Variants in PHF21B observed in about 807,000 individuals in gnomAD.
PHF21B encodes PHD finger protein 21B.
In PHF21B, 22 loss-of-function variants were observed where a neutral mutation model predicts 62.2. The observed-to-expected ratio is 0.35, with a 90% confidence interval of 0.25 to 0.51. PHF21B has a LOEUF of 0.51. Among genes scored for constraint, PHF21B ranks in the 20% least tolerant of loss-of-function variants. The pLI, the probability that PHF21B is intolerant of heterozygous loss-of-function variation, is 0.97. For missense variants in PHF21B, 701 were observed against 707.9 expected (o/e 0.99, Z 0.11); for synonymous variants, 341 against 314.7 (o/e 1.08, Z -0.88).
chr22:44,915,946 CAT>C (rs552131676), intron 4 of PHF21B, among the ~76,000 whole-genome samples: 66 of 152,356 alleles, frequency 4.3e-4, no homozygotes, highest in East Asian at 1.7e-3. Flanking sequence ...TTCAGCCACA[CAT>C]GTCATTAATT....
In PHF21B at chr22:44,966,333, C is replaced by T. The variant is rs541961222; in HGVS notation, c.120+42212G>A. ...TTTTTGAGAGAAGTCTGAACCTTGT[C>T]GGGTGCAGGCACTTGCCCAAGGTCA... On this transcript the variant is annotated intron_variant, in intron 2 of 12. Transcript: ENST00000313237. Among the ~76,000 whole-genome samples the T allele has an allele frequency of 3.3e-5, 5 of 152,334 alleles. No individual in the cohort carries two copies. The East Asian group carries it at 5.8e-4, about 18-fold the overall frequency.
rs544243678 is a variant in PHF21B at position 45,007,101 on chromosome 22, G to A, written c.120+1444C>T. Among the ~76,000 whole-genome samples the A allele has an allele frequency of 1.7e-3, 255 of 151,554 alleles. 2 individuals are homozygous for A. The highest frequency in any genetic ancestry group is 5.9e-3 in the African/African-American group (246 of 41,350). On this transcript the variant is annotated intron_variant, in intron 2 of 12. Transcript: ENST00000313237. ...TCCCGGACGGGGGCGCGCGGCCGGG[G>A]GCGGGGGGGCCGCGGCACCAACTGA... is the stretch of plus-strand genomic sequence containing the variant.
chr22:44,914,300 G>A (rs992261211), intron 4 of PHF21B, among the ~76,000 whole-genome samples: 1 of 152,186 alleles, frequency 6.6e-6, no homozygotes, highest in Admixed American at 6.5e-5. Flanking sequence ...GGGAGGGTCT[G>A]CATGAGAAGC....
intron 2 of PHF21B, among the ~76,000 whole-genome samples, chr22:44,928,334 A>G (rs1336376220): frequency 1.3e-5 from 2 of 152,228 alleles, no homozygotes; most frequent in Admixed American, 1.3e-4. Flanking sequence ...GACCTGGTCC[A>G]GGACGAGCCC....
At chr22:44,913,645 G>T (rs1461907344) in intron 5 of PHF21B, among the ~76,000 whole-genome samples, 177 bp downstream of exon 5, 3 of 152,224 alleles carry the variant, frequency 2.0e-5, no homozygotes, top group African/African-American at 7.2e-5. Context: ...AGATAGAACA[G>T]TTGAGACCTG....
chr22:44,885,957 G>A lies in PHF21B; in HGVS notation c.1198-19C>T, dbSNP rs751257318. The A allele has an allele frequency of 1.2e-6, 2 of 1,612,626 alleles. No homozygotes were observed. Among genetic ancestry groups the A allele is most frequent in the African/African-American group, 1.3e-5 (1 of 75,028 alleles). ...TTAAGGCCTGGGGAGCAGACGGGGA[G>A]ATGAAAAAGTGGACAGGCCCTGGGA... On this transcript the variant is annotated intron_variant, in intron 10 of 12. Transcript: ENST00000313237.
At chr22:44,980,895 A>G (rs2072829207) in intron 2 of PHF21B, among the ~76,000 whole-genome samples, 1 of 152,230 alleles carries the variant, frequency 6.6e-6, no homozygotes, top group African/African-American at 2.4e-5. Flanking sequence ...TCACACAGCT[A>G]ATTACTGCTA....
At chr22:44,947,358 C>G (rs2072095276) in intron 2 of PHF21B, among the ~76,000 whole-genome samples, 1 of 152,234 alleles carries the variant, frequency 6.6e-6, no homozygotes, top group African/African-American at 2.4e-5. Flanking sequence ...TTTAAGCAGA[C>G]CGACGCATGG....
At chr22:44,905,894 C>T (rs2071241233) in intron 5 of PHF21B, among the ~76,000 whole-genome samples, 1 of 152,360 alleles carries the variant, frequency 6.6e-6, no homozygotes, top group Middle Eastern at 3.4e-3. Flanking sequence ...TCCCGAAGTG[C>T]TGGGCACAAT....
chr22:44,914,915 G>GGAAA (rs1432468692), intron 4 of PHF21B, among the ~76,000 whole-genome samples: 2 of 152,176 alleles, frequency 1.3e-5, no homozygotes, highest in Non-Finnish European at 2.9e-5. Context: ...CAGGAAATTG[G>GGAAA]GAAAGAATTA....
chr22:44,918,873 C>T (rs976373862), intron 3 of PHF21B, among the ~76,000 whole-genome samples: 1 of 152,182 alleles, frequency 6.6e-6, no homozygotes, highest in African/African-American at 2.4e-5. Context: ...GCTCTGAAGC[C>T]TCGCATAGCT....
intron 2 of PHF21B, among the ~76,000 whole-genome samples, chr22:44,953,787 G>A (rs184551661): frequency 6.6e-6 from 1 of 152,252 alleles, no homozygotes; most frequent in East Asian, 1.9e-4. Context: ...AACATCTTAT[G>A]GATTTTTAGG....
chr22:44,923,314 C>A (rs2071570081), intron 2 of PHF21B, among the ~76,000 whole-genome samples: 2 of 141,972 alleles, frequency 1.4e-5, no homozygotes, highest in Non-Finnish European at 1.5e-5. Flanking sequence ...AACTTCAGTC[C>A]ATACCACATA....
At chr22:44,995,200 G>C (rs2073100884) in intron 2 of PHF21B, among the ~76,000 whole-genome samples, 1 of 152,184 alleles carries the variant, frequency 6.6e-6, no homozygotes, top group South Asian at 2.1e-4. Context: ...AAAATGTGTT[G>C]CTAAGATACA....
chr22:44,971,985 G>A (rs1383715116), intron 2 of PHF21B, among the ~76,000 whole-genome samples: 1 of 152,242 alleles, frequency 6.6e-6, no homozygotes, highest in African/African-American at 2.4e-5. Flanking sequence ...TGCAGTTGGG[G>A]GGAGAGATGA....
intron 5 of PHF21B, among the ~76,000 whole-genome samples, chr22:44,906,216 G>A (rs528318886): frequency 2.6e-5 from 4 of 152,306 alleles, no homozygotes; most frequent in African/African-American, 7.2e-5. Context: ...GGTTTGAAAC[G>A]GAGAGGTCCA....
intron 2 of PHF21B, among the ~76,000 whole-genome samples, chr22:44,997,145 GC>G (rs1315177998): frequency 6.6e-6 from 1 of 152,066 alleles, no homozygotes; most frequent in African/African-American, 2.4e-5. Flanking sequence ...CAGAGAATAC[GC>G]AAAAAGGCTT....
chr22:44,937,496 G>A (rs932015349), intron 2 of PHF21B, among the ~76,000 whole-genome samples: 3 of 152,158 alleles, frequency 2.0e-5, no homozygotes, highest in Admixed American at 6.5e-5. Context: ...GAGGCAGTGC[G>A]AACACTTCAA....
At chr22:44,923,092 T>C (rs2071566438) in intron 2 of PHF21B, among the ~76,000 whole-genome samples, 1 of 152,116 alleles carries the variant, frequency 6.6e-6, no homozygotes, top group Non-Finnish European at 1.5e-5. Context: ...AGACCCGCTA[T>C]AAAGCTATGG....
Sources: allele counts gnomAD v4.1 joint callset (sites outside exome capture counted in the v4.1 genomes callset), GRCh38; gene constraint gnomAD v4.1.1; transcripts MANE v1.5; gene names NCBI Gene and HGNC (gene_info 2026-07-23, HGNC 2026-07-21).